Variants in GLIS3 observed in about 807,000 individuals in gnomAD.
GLIS3 encodes the protein GLIS family zinc finger 3.
In GLIS3, 53 loss-of-function variants were observed where a neutral mutation model predicts 78.6. That is an observed-to-expected ratio of 0.67 (90% CI 0.54 to 0.85). The LOEUF (loss-of-function observed/expected upper bound fraction) is 0.85. GLIS3 is among the 40% of genes least tolerant of loss of function. GLIS3 has a pLI of 0.00. For missense variants in GLIS3, 1,703 were observed against 1,231.1 expected, an observed-to-expected ratio of 1.38 and a Z score of -5.74; for synonymous variants, 684 against 509.9, an observed-to-expected ratio of 1.34 and a Z score of -4.60.
intron 2 of GLIS3, among the ~76,000 whole-genome samples, chr9:4,317,384 A>T (rs894836679): frequency 2.6e-5 from 4 of 152,226 alleles, no homozygotes; most frequent in African/African-American, 7.2e-5. Context: ...TGTGGGATGC[A>T]GCCTCCACAC....
intron 6 of GLIS3, among the ~76,000 whole-genome samples, chr9:3,910,818 G>C (rs951828761): frequency 6.6e-6 from 1 of 152,206 alleles, no homozygotes; most frequent in Non-Finnish European, 1.5e-5. Flanking sequence ...ATAAGACAGA[G>C]AAAGCATCTA....
intron 2 of GLIS3, among the ~76,000 whole-genome samples, chr9:4,338,130 C>A (rs369198720): frequency 4.0e-4 from 60 of 151,856 alleles, no homozygotes; most frequent in African/African-American, 1.5e-3. Flanking sequence ...GTCAGGACAC[C>A]TGATTCTAAT....
the GLIS3 span, among the ~76,000 whole-genome samples, chr9:4,426,401 G>A: frequency 6.6e-6 from 1 of 152,140 alleles, no homozygotes; most frequent in Admixed American, 6.5e-5. Context: ...ATTCAGCCAC[G>A]TTGAACTGTT....
At chr9:4,446,478 G>C in the GLIS3 span, among the ~76,000 whole-genome samples, 1 of 151,608 alleles carries the variant, frequency 6.6e-6, no homozygotes, top group Admixed American at 6.6e-5. Flanking sequence ...TGTCCAAGTG[G>C]ACTAAGACAG....
At chr9:4,032,560 G>C (rs1823931339) in intron 4 of GLIS3, among the ~76,000 whole-genome samples, 1 of 152,166 alleles carries the variant, frequency 6.6e-6, no homozygotes, top group African/African-American at 2.4e-5. Context: ...AAGGCGTAGA[G>C]CTATATATCA....
chr9:4,289,293 A>G (rs977388827), intron 1 of GLIS3, among the ~76,000 whole-genome samples: 2 of 152,164 alleles, frequency 1.3e-5, no homozygotes, highest in Non-Finnish European at 2.9e-5. Context: ...TATCAAGAAC[A>G]CCCATTTGCT....
intron 4 of GLIS3, among the ~76,000 whole-genome samples, chr9:4,063,928 A>C (rs546257105): frequency 6.6e-6 from 1 of 152,336 alleles, no homozygotes; most frequent in South Asian, 2.1e-4. Context: ...AATCATAAGT[A>C]AAGAAGAACA....
At chr9:4,206,049 A>C (rs1819851403) in intron 2 of GLIS3, among the ~76,000 whole-genome samples, 1 of 152,308 alleles carries the variant, frequency 6.6e-6, no homozygotes, top group Non-Finnish European at 1.5e-5. Context: ...GATCTAGAAG[A>C]GAAGAGTTGA....
chr9:4,324,696 G>T (rs1053229718), intron 2 of GLIS3, among the ~76,000 whole-genome samples: 1 of 152,166 alleles, frequency 6.6e-6, no homozygotes, highest in African/African-American at 2.4e-5. Flanking sequence ...AAAATGCAAG[G>T]AAGCGGGAAG....
the GLIS3 span, among the ~76,000 whole-genome samples, chr9:4,434,911 C>G: frequency 2.6e-5 from 4 of 152,140 alleles, no homozygotes; most frequent in Non-Finnish European, 5.9e-5. Flanking sequence ...AAGATGTGAT[C>G]CGGGCCACCA....
chr9:4,037,863 G>A (rs1824466092), intron 4 of GLIS3, among the ~76,000 whole-genome samples: 1 of 151,912 alleles, frequency 6.6e-6, no homozygotes, highest in Non-Finnish European at 1.5e-5. Context: ...TATGACAGCT[G>A]TGGAGAAATT....
At chr9:3,995,182 GGAA>G (rs1166607031) in intron 4 of GLIS3, among the ~76,000 whole-genome samples, 2 of 152,004 alleles carry the variant, frequency 1.3e-5, no homozygotes, top group Non-Finnish European at 2.9e-5. Flanking sequence ...CTCTTGGTGG[GGAA>G]GGGAAAAATG....
intron 4 of GLIS3, among the ~76,000 whole-genome samples, chr9:4,076,854 T>C (rs1482749757): frequency 6.6e-6 from 1 of 152,164 alleles, no homozygotes; most frequent in Non-Finnish European, 1.5e-5. Context: ...CCCAGGAGTT[T>C]GAGACGAGCT....
intron 2 of GLIS3, among the ~76,000 whole-genome samples, chr9:4,282,337 G>A (rs1426803759): frequency 1.3e-5 from 2 of 152,164 alleles, no homozygotes. Flanking sequence ...CTATGAGGGT[G>A]TTTTTGGGTA....
intron 4 of GLIS3, among the ~76,000 whole-genome samples, chr9:4,011,893 C>T (rs951722083): frequency 2.0e-5 from 3 of 151,996 alleles, no homozygotes; most frequent in African/African-American, 7.3e-5. Context: ...CTTTCCAGCA[C>T]TGCTTTCAAA....
At chr9:4,185,997 A>C (rs10120563) in intron 2 of GLIS3, among the ~76,000 whole-genome samples, 1 of 150,936 alleles carries the variant, frequency 6.6e-6, no homozygotes, top group East Asian at 1.9e-4. Context: ...TCTTTTTTTT[A>C]AATTTTATTT....
At chr9:3,938,477 C>T (rs926194006) in intron 4 of GLIS3, among the ~76,000 whole-genome samples, 1 of 152,052 alleles carries the variant, frequency 6.6e-6, no homozygotes, top group Non-Finnish European at 1.5e-5. Flanking sequence ...TGATCTAGAG[C>T]TGGCCAGGTT....
At chr9:4,017,416 G>A (rs1438237102) in intron 4 of GLIS3, among the ~76,000 whole-genome samples, 2 of 152,146 alleles carry the variant, frequency 1.3e-5, no homozygotes, top group South Asian at 2.1e-4. Flanking sequence ...CCAAGAAGTT[G>A]GCAATCTGTG....
At chr9:4,270,591 TCA>T (rs1314309240) in intron 2 of GLIS3, among the ~76,000 whole-genome samples, 1 of 152,006 alleles carries the variant, frequency 6.6e-6, no homozygotes, top group East Asian at 1.9e-4. Context: ...TGGCCAGAGG[TCA>T]CACAGGCCTT....
Sources: allele counts gnomAD v4.1 joint callset (sites outside exome capture counted in the v4.1 genomes callset), GRCh38; gene constraint gnomAD v4.1.1; transcripts MANE v1.5; gene names NCBI Gene and HGNC (gene_info 2026-07-23, HGNC 2026-07-21).